Variants in GRIK4 observed in about 807,000 individuals in gnomAD.
The protein encoded by GRIK4 is glutamate ionotropic receptor kainate type subunit 4.
GRIK4 carries 40 observed loss-of-function variants against 104.9 expected under a neutral mutation model. The observed-to-expected ratio is 0.38, with a 90% CI of 0.30 to 0.50. GRIK4 has a LOEUF of 0.50. Ranked by LOEUF, GRIK4 falls within the 20% of genes least tolerant of loss-of-function variation. The pLI is 0.93. For synonymous variants in GRIK4, 485 were observed against 524.9 expected (o/e 0.92, Z 1.04); for missense variants, 1,047 against 1,308.1 (o/e 0.80, Z 3.08).
At chr11:120,849,433 T>A (rs188628398) in intron 8 of GRIK4, among the ~76,000 whole-genome samples, 52 of 152,344 alleles carry the variant, frequency 3.4e-4, no homozygotes, top group Admixed American at 2.1e-3. Context: ...GAGAGATGCC[T>A]CGGCCTTCCG....
intron 1 of GRIK4, among the ~76,000 whole-genome samples, chr11:120,590,604 G>A (rs753650472): frequency 2.6e-5 from 4 of 152,186 alleles, no homozygotes; most frequent in Admixed American, 6.5e-5. Flanking sequence ...ATAAATGGAT[G>A]AATAAATATG....
At chr11:120,604,322 C>G (rs1027813357) in intron 1 of GRIK4, among the ~76,000 whole-genome samples, 25 of 152,178 alleles carry the variant, frequency 1.6e-4, no homozygotes, top group Non-Finnish European at 2.6e-4. Context: ...CCTCTGTTAG[C>G]AGGTGGTACC....
At chr11:120,874,607 T>C (rs963206879) in intron 10 of GRIK4, among the ~76,000 whole-genome samples, 3 of 152,206 alleles carry the variant, frequency 2.0e-5, no homozygotes, top group African/African-American at 7.2e-5. Context: ...TCAAGACTTC[T>C]AGCTTGGCTG....
chr11:120,561,253 C>T (rs1459422494), intron 1 of GRIK4, among the ~76,000 whole-genome samples: 4 of 152,162 alleles, frequency 2.6e-5, no homozygotes, highest in African/African-American at 4.8e-5. Context: ...TGGGTTGCTG[C>T]GGGTCATCAG....
Position 120,549,358 on chromosome 11 carries a change from G to A in GRIK4, c.-159+37471G>A, listed in dbSNP as rs564070468. ...CTTGACCTCATGATGCACCCACCTT[G>A]GACTCCCAAAGTGCTGGAATTATAG... On this transcript the variant is annotated intron_variant, in intron 1 of 20. Transcript: ENST00000527524. The surrounding 1 kb of genome is among the most constrained non-coding windows in gnomAD (Gnocchi z 4.7). Among the ~76,000 whole-genome samples the A allele has an allele frequency of 4.6e-5, 7 of 152,196 alleles. 1 individual carries two copies. Among genetic ancestry groups the A allele is most frequent in the African/African-American group, 1.4e-4 (6 of 41,524 alleles).
At chr11:120,871,504 T>A (rs774267654) in intron 9 of GRIK4, 2 of 423,088 alleles carry the variant, frequency 4.7e-6, no homozygotes, top group Admixed American at 2.5e-5. Flanking sequence ...GCCCACCTCA[T>A]CCTAGCTCAG....
intron 20 of GRIK4, among the ~76,000 whole-genome samples, chr11:120,985,118 T>C (rs1239084127): frequency 7.7e-6 from 1 of 129,844 alleles, no homozygotes; most frequent in Non-Finnish European, 1.8e-5. Context: ...TGTGAGCCAC[T>C]GTGCCCAGCC....
At chr11:120,798,727 C>T (rs1565359287) in intron 3 of GRIK4, among the ~76,000 whole-genome samples, 1 of 152,164 alleles carries the variant, frequency 6.6e-6, no homozygotes, top group African/African-American at 2.4e-5. Flanking sequence ...AGTGATCCGC[C>T]CGCCTCGGCC....
chr11:120,815,320 C>T (rs192321481), intron 4 of GRIK4, 58 bp from the exon 5 acceptor site: 10 of 1,021,854 alleles, frequency 9.8e-6, no homozygotes, highest in East Asian at 2.7e-5. Context: ...TGGGCCATGG[C>T]GCAAGCCCGA....
chr11:120,540,446 C>A (rs1948021620), intron 1 of GRIK4, among the ~76,000 whole-genome samples: 1 of 151,594 alleles, frequency 6.6e-6, no homozygotes, highest in Non-Finnish European at 1.5e-5. Context: ...CATGGCAAAA[C>A]CCTGTCTGTA....
At chr11:120,774,620 T>C (rs531648842) in intron 3 of GRIK4, among the ~76,000 whole-genome samples, 1 of 152,338 alleles carries the variant, frequency 6.6e-6, no homozygotes, top group South Asian at 2.1e-4. Context: ...GATTTAAATG[T>C]TAATCATATA....
chr11:120,598,602 G>A (rs904152222), intron 1 of GRIK4, among the ~76,000 whole-genome samples: 1 of 152,168 alleles, frequency 6.6e-6, no homozygotes, highest in Non-Finnish European at 1.5e-5. Flanking sequence ...TGGCTAGATG[G>A]CTCCTTTGGT....
chr11:120,726,882 A>G (rs1591838892), intron 3 of GRIK4, among the ~76,000 whole-genome samples: 1 of 152,246 alleles, frequency 6.6e-6, no homozygotes, highest in African/African-American at 2.4e-5. Flanking sequence ...ACAAAATAAC[A>G]AAACCAAAAA....
intron 17 of GRIK4, 144 bp from the exon 18 acceptor site, chr11:120,962,312 G>C: frequency 1.6e-6 from 1 of 613,026 alleles, no homozygotes; most frequent in Non-Finnish European, 2.9e-6. Context: ...TTGAGAGACA[G>C]AAAGGGAAAA....
intron 1 of GRIK4, among the ~76,000 whole-genome samples, chr11:120,592,926 T>C (rs1286226684): frequency 3.3e-5 from 5 of 152,172 alleles, no homozygotes; most frequent in African/African-American, 1.2e-4. Flanking sequence ...TTCACACCTG[T>C]AATCCCAGCA....
intron 13 of GRIK4, among the ~76,000 whole-genome samples, chr11:120,914,893 G>C (rs1439754970): frequency 6.6e-6 from 1 of 152,188 alleles, no homozygotes; most frequent in African/African-American, 2.4e-5. Flanking sequence ...GCTGTCCAGT[G>C]ATCAGGAGAA....
intron 3 of GRIK4, among the ~76,000 whole-genome samples, chr11:120,737,389 C>T (rs1338739667): frequency 2.0e-5 from 3 of 152,168 alleles, no homozygotes; most frequent in African/African-American, 7.2e-5. Flanking sequence ...AAAAAGCAGG[C>T]ATTGTGTGTT....
At chr11:120,934,865 G>C (rs558454582) in intron 13 of GRIK4, among the ~76,000 whole-genome samples, 17 of 152,284 alleles carry the variant, frequency 1.1e-4, no homozygotes, top group Non-Finnish European at 2.1e-4. Flanking sequence ...TCTTTCTCCG[G>C]AGACCTACCC....
chr11:120,699,884 C>A (rs916739809), intron 3 of GRIK4, among the ~76,000 whole-genome samples: 1 of 152,096 alleles, frequency 6.6e-6, no homozygotes, highest in Non-Finnish European at 1.5e-5. Context: ...CAGCAAGGGC[C>A]GCAGCAGCAG....
Sources: allele counts gnomAD v4.1 joint callset (sites outside exome capture counted in the v4.1 genomes callset), GRCh38; gene constraint gnomAD v4.1.1; non-coding constraint Gnocchi (gnomAD v3.1); transcripts MANE v1.5; gene names NCBI Gene and HGNC (gene_info 2026-07-23, HGNC 2026-07-21).